PSD2: variants seen among roughly 807,000 people sequenced by gnomAD.
PSD2 encodes the protein PH and SEC7 domain-containing protein 2.
PSD2 carries 38 observed loss-of-function variants against 69.8 expected under a neutral mutation model. The ratio of observed to expected loss-of-function variants is 0.54; its 90% CI spans 0.42 to 0.71. PSD2 has a LOEUF of 0.71. Among genes scored for constraint, PSD2 ranks in the 30% least tolerant of loss-of-function variants. The pLI is 0.00. For synonymous variants in PSD2, 412 were observed against 423.0 expected, an observed-to-expected ratio of 0.97 and a Z score of 0.32; for missense variants, 943 against 1,014.5, an observed-to-expected ratio of 0.93 and a Z score of 0.96.
chr5:139,817,756 G>A (rs140081828), intron 5 of PSD2, among the ~76,000 whole-genome samples, 195 bp downstream of exon 5: 1 of 152,304 alleles, frequency 6.6e-6, no homozygotes, highest in East Asian at 1.9e-4. Context: ...GTAGCTGTTA[G>A]GATGTGAGGG....
intron 5 of PSD2, among the ~76,000 whole-genome samples, chr5:139,818,359 A>G (rs140060542): frequency 6.6e-6 from 1 of 152,278 alleles, no homozygotes; most frequent in Non-Finnish European, 1.5e-5. Flanking sequence ...AGCCTGGGCA[A>G]CATAGGGAGG....
Position 139,837,802 on chromosome 5 carries a change from C to G in PSD2, c.1823+20C>G, listed in dbSNP as rs552788133. On this transcript the variant is annotated intron_variant, in intron 12 of 14. Coordinates refer to ENST00000274710, the MANE Select transcript of PSD2 (RefSeq NM_032289.4). This position sits in a 1 kb window ranked among gnomAD's most constrained non-coding sequence, Gnocchi z 5.0. ...GGCACCGTGAGTAGGAGCTGGAGCCCTTCACTCCCACCTGGGGCCCAGGGC... is the reference window on the plus strand; with the variant it reads ...GGCACCGTGAGTAGGAGCTGGAGCCGTTCACTCCCACCTGGGGCCCAGGGC... The G allele has an allele frequency of 6.3e-7, 1 of 1,595,544 alleles. No homozygotes were observed. The highest frequency in any genetic ancestry group is 1.3e-5 in the African/African-American group (1 of 74,650).
chr5:139,817,417 C>A, intron 4 of PSD2, 64 bp from the exon 5 acceptor site: 2 of 1,458,370 alleles, frequency 1.4e-6, no homozygotes, highest in South Asian at 1.1e-5. Context: ...CAAGTAATGC[C>A]TGTGATTCTG....
At position 139,843,747 on chromosome 5, in the gene PSD2, G is replaced by A. The variant is rs886574955; in HGVS notation, c.*1273G>A. 2.0e-5 allele frequency: 3 copies of A among 152,246 alleles called. No individual in the cohort carries two copies. Among genetic ancestry groups the A allele is most frequent in the Admixed American group, 6.5e-5 (1 of 15,278 alleles). 9.4% of individuals were successfully genotyped at this position (152,246 alleles called of 1,614,324 possible). A position where few individuals can be genotyped will look rare whatever the true frequency, so the allele number is the denominator to read the frequency against. Reference sequence around the variant, plus strand: ...GGAAGAGTGGAGAAATTTGCCACTTGACGATCACGGATTAGCTAGCACCTT... The same window carrying A: ...GGAAGAGTGGAGAAATTTGCCACTTAACGATCACGGATTAGCTAGCACCTT... On this transcript the variant is annotated 3_prime_UTR_variant, in exon 15 of 15. Transcript: ENST00000274710.
In PSD2 at chr5:139,838,753, G is replaced by A. The variant is rs1438547598; in HGVS notation, c.1949G>A (p.Cys650Tyr). ...KKFCRPLLPS[C>Y]TTRLCQEEQL... ...TTCTGTCGGCCCCTGCTGCCCTCCTGCACCACCCGCCTCTGCCAGGTACAT... is the reference window on the plus strand; with the variant it reads ...TTCTGTCGGCCCCTGCTGCCCTCCTACACCACCCGCCTCTGCCAGGTACAT... The change falls in exon 13 of 15, where the codon TGC (cysteine) becomes TAC (tyrosine). Residue 650 changes from cysteine to tyrosine, a missense_variant. This residue lies in a region of PSD2 where 165 missense variants were observed against 168.8 expected (regional missense o/e 0.98). Coordinates refer to ENST00000274710, the MANE Select transcript of PSD2 (RefSeq NM_032289.4). 6.2e-7 allele frequency: 1 copy of A among 1,612,288 alleles called. No homozygotes were observed.
At chr5:139,749,578 A>T in the PSD2 span, among the ~76,000 whole-genome samples, 1 of 152,190 alleles carries the variant, frequency 6.6e-6, no homozygotes, top group Non-Finnish European at 1.5e-5. Flanking sequence ...ACCAAGAGTG[A>T]AGCTTGGATT....
At chr5:139,806,193 A>C (rs779533713) in intron 1 of PSD2, among the ~76,000 whole-genome samples, 3 of 152,254 alleles carry the variant, frequency 2.0e-5, no homozygotes, top group Admixed American at 1.3e-4. Flanking sequence ...ATCTTGGCCA[A>C]TGCCAGCCTG....
In PSD2 at chr5:139,843,830, G is replaced by T. The variant is rs1760934600; in HGVS notation, c.*1356G>T. 1 of 152,196 alleles carries T rather than the reference G, an allele frequency of 6.6e-6. No individual in the cohort carries two copies. The highest frequency in any genetic ancestry group is 2.1e-4 in the South Asian group (1 of 4,832). The allele number at this position is 152,196 out of a possible 1,614,324, so 9.4% of individuals were successfully genotyped here. On this transcript the variant is annotated 3_prime_UTR_variant, in exon 15 of 15. Transcript: ENST00000274710. ...TGGGGGTGATGGCACATTCAGTGTGGCTATGAAGAGCGAATCCTCTCTATT... is the reference window on the plus strand; with the variant it reads ...TGGGGGTGATGGCACATTCAGTGTGTCTATGAAGAGCGAATCCTCTCTATT...
intron 7 of PSD2, among the ~76,000 whole-genome samples, chr5:139,830,628 CTT>C (rs1177177839): frequency 1.8e-5 from 2 of 112,912 alleles, no homozygotes; most frequent in Non-Finnish European, 3.6e-5. Flanking sequence ...CTTTCTTTCT[CTT>C]TCTTTCTTTC....
intron 1 of PSD2, among the ~76,000 whole-genome samples, chr5:139,797,223 A>C (rs183689634): frequency 1.3e-5 from 2 of 152,270 alleles, no homozygotes; most frequent in Non-Finnish European, 2.9e-5. Flanking sequence ...CCTTTCCCCA[A>C]TATATGCGGG....
the PSD2 span, among the ~76,000 whole-genome samples, chr5:139,776,659 A>T: frequency 1.4e-5 from 2 of 146,680 alleles, no homozygotes; most frequent in African/African-American, 5.1e-5. Context: ...TGCTCAGGTC[A>T]TTCTGAGCTG....
chr5:139,796,253 A>C (rs1185589237), intron 1 of PSD2, among the ~76,000 whole-genome samples: 2 of 152,168 alleles, frequency 1.3e-5, no homozygotes, highest in African/African-American at 4.8e-5. Context: ...GCCCGAGCCC[A>C]GCCTGAGGGA....
chr5:139,774,513 T>C, the PSD2 span, among the ~76,000 whole-genome samples: 1 of 152,186 alleles, frequency 6.6e-6, no homozygotes, highest in Admixed American at 6.5e-5. Context: ...TTTCTGGAGA[T>C]GGAGTCTTGC....
rs1759903700 is a variant in PSD2 at position 139,809,609 on chromosome 5, A to T, written c.169A>T (p.Thr57Ser). 6.2e-7 allele frequency: 1 copy of T among 1,614,144 alleles called. No homozygotes were observed. The highest frequency in any genetic ancestry group is 8.5e-7 in the Non-Finnish European group (1 of 1,180,054). Residue 57 changes from threonine to serine, a missense_variant, in exon 2 of 15, where the codon ACT (threonine) becomes TCT (serine). Physicochemically the swap from Thr to Ser is moderately conservative, Grantham distance 58 (BLOSUM62 1). Around this residue, in one of 3 missense-constraint regions of PSD2, gnomAD observed 466 missense variants for 445.0 expected, o/e 1.05. Coordinates refer to ENST00000274710, the MANE Select transcript of PSD2 (RefSeq NM_032289.4). ...CGAGCGAAGGGGCACCCCAGCGGAC[A>T]CTGAGGAACCCACGAAGGACCCAGA... The part of the protein sequence containing the change: ...GHERRGTPAD[T>S]EEPTKDPDVA...
the PSD2 span, among the ~76,000 whole-genome samples, chr5:139,759,228 G>A: frequency 4.6e-5 from 7 of 152,210 alleles, no homozygotes; most frequent in South Asian, 2.1e-4. Flanking sequence ...AGGCTGCACC[G>A]CACACCGCAG....
chr5:139,746,978 T>G, the PSD2 span, among the ~76,000 whole-genome samples: 2 of 152,184 alleles, frequency 1.3e-5, no homozygotes, highest in Non-Finnish European at 2.9e-5. This position sits in a 1 kb window ranked among gnomAD's most constrained non-coding sequence, Gnocchi z 4.5. Context: ...AGCCTGCATT[T>G]CTGCCAGTAT....
In PSD2 at chr5:139,809,462, T is replaced by A; in HGVS notation, c.22T>A (p.Ser8Thr). The change falls in exon 2 of 15, where the codon TCT becomes ACT. Residue 8 changes from serine to threonine, a missense_variant. Ser to Thr is a moderately conservative substitution (Grantham distance 58, BLOSUM62 1). This residue lies in a region of PSD2 where 466 missense variants were observed against 445.0 expected (regional missense o/e 1.05). Transcript: ENST00000274710. ...TGCCATGGAGGAGGACAAGCTCTTA[T>A]CTGCAGTGCCTGAGGAAGGCGATGC... is the stretch of plus-strand genomic sequence containing the variant. MEEDKLLSAVPEEGDATR... is the reference protein window; with the variant it reads MEEDKLLTAVPEEGDATR... 3.7e-6 allele frequency: 6 copies of A among 1,612,236 alleles called. No homozygotes were observed. Among genetic ancestry groups the A allele is most frequent in the Non-Finnish European group, 5.1e-6 (6 of 1,179,544 alleles).
At chr5:139,754,384 T>C in the PSD2 span, among the ~76,000 whole-genome samples, 2 of 151,980 alleles carry the variant, frequency 1.3e-5, no homozygotes, top group Admixed American at 6.5e-5. Flanking sequence ...CTGGGCAACA[T>C]GGTGAAACCC....
chr5:139,822,862 G>A (rs1760307516), intron 7 of PSD2, 78 bp downstream of exon 7: 5 of 1,320,436 alleles, frequency 3.8e-6, no homozygotes, highest in Admixed American at 4.6e-5. Context: ...CCCTTCCTGA[G>A]ATCTCTTACT....
Sources: gnomAD v4.1 joint callset for allele counts (sites outside exome capture counted in the v4.1 genomes callset) on GRCh38, gnomAD v4.1.1 for gene constraint, gnomAD v4.1.1 regional missense constraint, Gnocchi (gnomAD v3.1) non-coding constraint, MANE v1.5 for transcripts, NCBI Gene and HGNC (gene_info 2026-07-23, HGNC 2026-07-21) for gene names.